Variants in AKNA observed in about 807,000 individuals in gnomAD.
AKNA encodes the protein AT-hook transcription factor, also known as microtubule organization protein AKNA.
AKNA carries 67 observed loss-of-function variants against 138.8 expected under a neutral mutation model. The observed-to-expected ratio is 0.48, with a 90% CI of 0.40 to 0.59. The LOEUF (loss-of-function observed/expected upper bound fraction) is 0.59. Among genes scored for constraint, AKNA ranks in the 20% least tolerant of loss-of-function variants. The pLI is 0.00. For synonymous variants in AKNA, 737 were observed against 754.4 expected (o/e 0.98, Z 0.38); for missense variants, 1,813 against 1,880.4 (o/e 0.96, Z 0.66).
intron 4 of AKNA, among the ~76,000 whole-genome samples, chr9:114,373,184 G>A (rs1832923173): frequency 6.6e-6 from 1 of 152,216 alleles, no homozygotes; most frequent in South Asian, 2.1e-4. Flanking sequence ...GGCAAGAGGA[G>A]GGCACAGCAA....
intron 15 of AKNA, among the ~76,000 whole-genome samples, chr9:114,349,486 G>T (rs1028743413): frequency 2.0e-5 from 3 of 152,016 alleles, no homozygotes; most frequent in Non-Finnish European, 4.4e-5. Flanking sequence ...CTCTGTAGGG[G>T]CCCTCCCCGA....
Position 114,377,506 on chromosome 9 carries a change from G to A in AKNA, c.301C>T (p.Pro101Ser), listed in dbSNP as rs773671016. Reference sequence around the variant, plus strand: ...GCAAGAGGCTCATGGGAACTTGCTGGGCTGTCCACATCCTCTGCTTCAGCC... The same window carrying A: ...GCAAGAGGCTCATGGGAACTTGCTGAGCTGTCCACATCCTCTGCTTCAGCC... ...EEAEAEDVDS[P>S]ASSHEPLAWL... The change falls in exon 3 of 22, where the codon CCA becomes TCA. Residue 101 changes from proline to serine, a missense_variant. Pro to Ser is a moderately conservative substitution (Grantham distance 74). Coordinates refer to ENST00000374088, the MANE Select transcript of AKNA (RefSeq NM_001317950.2). 6.2e-7 allele frequency: 1 copy of A among 1,609,210 alleles called. No individual in the cohort carries two copies. Among genetic ancestry groups the A allele is most frequent in the Non-Finnish European group, 8.5e-7 (1 of 1,177,604 alleles).
At position 114,350,940 on chromosome 9, in the gene AKNA, G is replaced by C; in HGVS notation, c.3140C>G (p.Ala1047Gly). 1.2e-6 allele frequency: 2 copies of C among 1,612,132 alleles called. No homozygotes were observed. The highest frequency in any genetic ancestry group is 1.7e-6 in the Non-Finnish European group (2 of 1,179,162). ...TAGAGGCGCAGCGGCAGGGGCGGGGGCTGGGGGTGGGCTGATTGTCTTGTT... is the reference window on the plus strand; with the variant it reads ...TAGAGGCGCAGCGGCAGGGGCGGGGCCTGGGGGTGGGCTGATTGTCTTGTT... ...LPNKTISPPPAPAPAAAPLPC... is the reference protein window; with the variant it reads ...LPNKTISPPPGPAPAAAPLPC... Residue 1047 changes from alanine (A) to glycine (G), a missense_variant, in exon 15 of 22, where the codon GCC (alanine) becomes GGC (glycine). Ala to Gly is a moderately conservative substitution (Grantham distance 60). Coordinates refer to ENST00000374088, the MANE Select transcript of AKNA (RefSeq NM_001317950.2).
chr9:114,388,189 A>G (rs1026271797), upstream of AKNA: 14 of 220,398 alleles, frequency 6.4e-5, no homozygotes, highest in Non-Finnish European at 1.4e-4. Flanking sequence ...GCTGCCCAGG[A>G]AAGGACTCAG....
rs768466632 is a variant in AKNA at position 114,360,002 on chromosome 9, C to T, written c.2185G>A (p.Val729Met). 1.2e-6 allele frequency: 2 copies of T among 1,614,122 alleles called. No individual in the cohort carries two copies. The highest frequency in any genetic ancestry group is 2.2e-5 in the South Asian group (2 of 91,088). ...GPCPLHVNVEVSSGNSEVEDR... is the reference protein window; with the variant it reads ...GPCPLHVNVEMSSGNSEVEDR... ...TCCACCTCACTGTTGCCAGAGCTCA[C>T]CTCCACATTTACGTGCAATGGGCAG... The change falls in exon 10 of 22, where the codon GTG (valine) becomes ATG (methionine). Residue 729 changes from valine to methionine, a missense_variant. Physicochemically the swap from Val to Met is conservative, Grantham distance 21 (BLOSUM62 1). Coordinates refer to ENST00000374088, the MANE Select transcript of AKNA (RefSeq NM_001317950.2).
rs1831078164 is a variant in AKNA, at chr9:114,350,992, T to C, written c.3088A>G (p.Lys1030Glu). ...GGAAGGGGCTGTTCAGAAATCCGTT[T>C]GTGCCCCTCAAACTCTGAGCCAGGA... ...AVPGSEFEGH[K>E]RISEQPLPNK... is the part of the protein sequence containing the mutation. The change falls in exon 15 of 22, where the codon AAA becomes GAA. Residue 1030 changes from lysine to glutamate, a missense_variant. Physicochemically the swap from Lys to Glu is moderately conservative, Grantham distance 56 (BLOSUM62 1). Coordinates refer to ENST00000374088, the MANE Select transcript of AKNA (RefSeq NM_001317950.2). The C allele has an allele frequency of 9.3e-6, 15 of 1,613,860 alleles. No individual in the cohort carries two copies. The highest frequency in any genetic ancestry group is 1.2e-5 in the Non-Finnish European group (14 of 1,179,994).
At chr9:114,367,790 A>G in intron 5 of AKNA, 93 bp from the exon 6 acceptor site, 2 of 1,380,812 alleles carry the variant, frequency 1.4e-6, no homozygotes, top group Non-Finnish European at 2.0e-6. Context: ...CACCTCCATC[A>G]TCAAGTTATA....
At chr9:114,331,074 C>T (rs775506045), downstream of AKNA, among the ~76,000 whole-genome samples, 1 of 152,078 alleles carries the variant, frequency 6.6e-6, no homozygotes, top group Non-Finnish European at 1.5e-5. Flanking sequence ...CAAATAGTTT[C>T]CCCAAGGTCA....
chr9:114,385,277 G>C (rs899288836), intron 1 of AKNA, among the ~76,000 whole-genome samples: 2 of 152,172 alleles, frequency 1.3e-5, no homozygotes, highest in East Asian at 3.9e-4. Flanking sequence ...TCCTCTAAGC[G>C]TGCAGTTTCC....
chr9:114,381,041 G>A lies in AKNA; in HGVS notation c.274+19C>T, dbSNP rs931206100. ...TTGGGGACAGGACACCACTGTAGGG[G>A]GAGGGGTGTCAGTCTCACCTTCTCC... On this transcript the variant is annotated intron_variant, in intron 2 of 21. Transcript: ENST00000374088. 6.6e-7 allele frequency: 1 copy of A among 1,513,446 alleles called. No individual in the cohort carries two copies. 93.8% of individuals were successfully genotyped at this position (1,513,446 alleles called of 1,614,324 possible).
chr9:114,355,876 T>G (rs964433576), intron 14 of AKNA, 49 bp downstream of exon 14: 2 of 1,569,978 alleles, frequency 1.3e-6, no homozygotes, highest in African/African-American at 2.7e-5. Flanking sequence ...TTTTTCTATT[T>G]GATTTTTCAA....
rs1019007125 is a variant in AKNA, at chr9:114,359,785, A to G, written c.2301T>C (p.Ser767=). The change falls in exon 11 of 22, where the codon AGT becomes AGC. Residue 767 remains serine, a synonymous_variant. Transcript: ENST00000374088. ...VYHGLMERYL[S]VKSLPEAMRM... ...TCATGGCTTCTGGGAGAGACTTCAC[A>G]CTGAGGTACCTGCAGAAGAACACAC... 7.5e-6 allele frequency: 12 copies of G among 1,598,314 alleles called. No individual in the cohort carries two copies. Among genetic ancestry groups the G allele is most frequent in the Non-Finnish European group, 1.0e-5 (12 of 1,171,258 alleles).
intron 4 of AKNA, among the ~76,000 whole-genome samples, chr9:114,371,657 GC>G (rs1217481025): frequency 6.6e-6 from 1 of 152,212 alleles, no homozygotes. Context: ...TGACCCTGAA[GC>G]TGGGGTGGGA....
chr9:114,342,152 G>A, intron 19 of AKNA, 27 bp from the exon 20 acceptor site: 1 of 1,494,320 alleles, frequency 6.7e-7, no homozygotes, highest in Non-Finnish European at 9.1e-7. Flanking sequence ...AGATGTCAGG[G>A]GAGGATTACA....
intron 1 of AKNA, among the ~76,000 whole-genome samples, chr9:114,393,959 G>A (rs1834449219): frequency 6.6e-6 from 1 of 152,074 alleles, no homozygotes; most frequent in African/African-American, 2.4e-5. Flanking sequence ...GATCACCTGA[G>A]GTCAGGAGTT....
At chr9:114,392,911 A>G (rs746303920), upstream of AKNA, among the ~76,000 whole-genome samples, 2 of 152,202 alleles carry the variant, frequency 1.3e-5, no homozygotes, top group Non-Finnish European at 2.9e-5. Flanking sequence ...TTCTCAGCCA[A>G]CTGAGATAAG....
At chr9:114,374,224 T>A in intron 3 of AKNA, 57 bp from the exon 4 acceptor site, 3 of 1,507,416 alleles carry the variant, frequency 2.0e-6, no homozygotes, top group Middle Eastern at 1.7e-4. Flanking sequence ...AACCCCTCCT[T>A]GCTGGGAGAC....
intron 1 of AKNA, among the ~76,000 whole-genome samples, chr9:114,393,744 T>C (rs533322523): frequency 6.8e-6 from 1 of 147,018 alleles, no homozygotes; most frequent in East Asian, 2.0e-4. Context: ...TATAAAATAA[T>C]ATATATCTAG....
intron 4 of AKNA, among the ~76,000 whole-genome samples, chr9:114,372,958 A>C: frequency 8.0e-5 from 2 of 24,902 alleles, no homozygotes; most frequent in East Asian, 2.4e-3. Flanking sequence ...AGGTGTGGGG[A>C]CGCAGCGGGG....
Sources: allele counts gnomAD v4.1 joint callset (sites outside exome capture counted in the v4.1 genomes callset), GRCh38; gene constraint gnomAD v4.1.1; transcripts MANE v1.5; gene names NCBI Gene and HGNC (gene_info 2026-07-23, HGNC 2026-07-21).